Variants in EPHA6 observed in about 807,000 individuals in gnomAD.
EPHA6 encodes the protein ephrin type-A receptor 6.
Under a neutral mutation model 112.0 loss-of-function variants are expected in EPHA6, and 50 were observed. That is an observed-to-expected ratio of 0.45 (90% CI 0.36 to 0.56). The LOEUF is 0.56. EPHA6 is among the 20% of genes least tolerant of loss of function. The pLI is 0.00. For missense variants in EPHA6, 1,280 were observed against 1,417.4 expected (o/e 0.90, Z 1.56); for synonymous variants, 529 against 490.7 (o/e 1.08, Z -1.03).
At chr3:97,302,733 T>A (rs1054024358) in intron 5 of EPHA6, among the ~76,000 whole-genome samples, 1 of 151,956 alleles carries the variant, frequency 6.6e-6, no homozygotes, top group African/African-American at 2.4e-5. Context: ...CTTATTACCT[T>A]ATTTTCAGAT....
chr3:97,734,301 A>G (rs992742271), intron 15 of EPHA6, among the ~76,000 whole-genome samples: 1 of 151,986 alleles, frequency 6.6e-6, no homozygotes, highest in Non-Finnish European at 1.5e-5. Context: ...ATTCTATGCT[A>G]TTTCTCTTAG....
chr3:97,504,274 C>T (rs2092192104), intron 10 of EPHA6, among the ~76,000 whole-genome samples: 1 of 152,082 alleles, frequency 6.6e-6, no homozygotes, highest in Non-Finnish European at 1.5e-5. Flanking sequence ...AGCCTGGACA[C>T]AAAGGCTAAG....
intron 2 of EPHA6, among the ~76,000 whole-genome samples, chr3:96,880,301 T>A (rs1382196278): frequency 1.3e-5 from 2 of 151,748 alleles, no homozygotes; most frequent in Non-Finnish European, 2.9e-5. Context: ...ATAAAGTTAA[T>A]TAAAAAACCC....
chr3:97,711,446 C>T lies in EPHA6; in HGVS notation c.2785-8815C>T, dbSNP rs1312170954. 5.9e-5 allele frequency among the ~76,000 whole-genome samples: 9 copies of T among 151,708 alleles called. No individual in the cohort carries two copies. The South Asian group carries it at 6.3e-4, about 11-fold the overall frequency. On this transcript the variant is annotated intron_variant, in intron 14 of 17. Transcript: ENST00000389672. Reference sequence around the variant, plus strand: ...ATATATAATTATGGGAATTCATTCCCGTGATTATGGAGGCTGAAAAGTCCC... The same window carrying T: ...ATATATAATTATGGGAATTCATTCCTGTGATTATGGAGGCTGAAAAGTCCC...
chr3:97,705,747 AT>A (rs1372905391), intron 14 of EPHA6, among the ~76,000 whole-genome samples: 1 of 152,238 alleles, frequency 6.6e-6, no homozygotes, highest in South Asian at 2.1e-4. Context: ...GCTCTTAGAA[AT>A]CTGGATTGAC....
At position 96,988,432 on chromosome 3, in the gene EPHA6, A is replaced by G. The variant is rs148777841; in HGVS notation, c.1114+439A>G. ...AGCATCAACAACAGCAACAAAAAGCAATGAGATTCAAAATAGTGATTTCCC... is the reference window on the plus strand; with the variant it reads ...AGCATCAACAACAGCAACAAAAAGCGATGAGATTCAAAATAGTGATTTCCC... On this transcript the variant is annotated intron_variant, in intron 3 of 17. Coordinates refer to ENST00000389672, the MANE Select transcript of EPHA6 (RefSeq NM_001080448.3). Among the ~76,000 whole-genome samples the G allele has an allele frequency of 6.5e-3, 995 of 152,294 alleles. 8 individuals are homozygous for G. Among genetic ancestry groups the G allele is most frequent in the African/African-American group, 0.022 (901 of 41,582 alleles).
At chr3:97,146,675 T>G (rs1223326621) in intron 3 of EPHA6, among the ~76,000 whole-genome samples, 5 of 152,000 alleles carry the variant, frequency 3.3e-5, no homozygotes, top group African/African-American at 4.8e-5. Context: ...ATTTTTCATG[T>G]TCAATTTTAT....
intron 3 of EPHA6, among the ~76,000 whole-genome samples, chr3:97,198,001 C>T (rs2077483991): frequency 6.6e-6 from 1 of 152,092 alleles, no homozygotes; most frequent in South Asian, 2.1e-4. Context: ...CTCTCCCTTT[C>T]CCAAACACAC....
chr3:96,866,035 TA>T (rs900077532), intron 1 of EPHA6, among the ~76,000 whole-genome samples: 3 of 151,398 alleles, frequency 2.0e-5, no homozygotes, highest in Admixed American at 6.6e-5. Flanking sequence ...TATTCTAAAA[TA>T]AAAAAAAATC....
At chr3:97,167,935 T>C (rs2076581702) in intron 3 of EPHA6, among the ~76,000 whole-genome samples, 1 of 151,980 alleles carries the variant, frequency 6.6e-6, no homozygotes, top group Non-Finnish European at 1.5e-5. Flanking sequence ...ATTACACAAA[T>C]TAAGATTTTA....
At chr3:97,175,017 T>C (rs2076798526) in intron 3 of EPHA6, among the ~76,000 whole-genome samples, 1 of 152,026 alleles carries the variant, frequency 6.6e-6, no homozygotes, top group South Asian at 2.1e-4. Flanking sequence ...CTTGTAGTGG[T>C]TTCATAGTTT....
chr3:96,882,608 G>A (rs9818061), intron 2 of EPHA6, among the ~76,000 whole-genome samples: 227 of 152,138 alleles, frequency 1.5e-3, no homozygotes, highest in East Asian at 4.1e-3. Flanking sequence ...GAGAACATAC[G>A]ATGTTTGGTT....
At chr3:97,086,902 T>G (rs2046919150) in intron 3 of EPHA6, among the ~76,000 whole-genome samples, 1 of 152,176 alleles carries the variant, frequency 6.6e-6, no homozygotes, top group African/African-American at 2.4e-5. Context: ...ATTATTAAAA[T>G]TATTTTGAGT....
intron 10 of EPHA6, among the ~76,000 whole-genome samples, chr3:97,529,581 T>C (rs909564409): frequency 1.3e-4 from 1 of 7,834 alleles, no homozygotes; most frequent in African/African-American, 5.4e-4. Flanking sequence ...TTCTACAATG[T>C]CAATCACATA....
intron 6 of EPHA6, among the ~76,000 whole-genome samples, chr3:97,440,837 A>T (rs969160951): frequency 6.6e-6 from 1 of 151,812 alleles, no homozygotes; most frequent in Non-Finnish European, 1.5e-5. Flanking sequence ...TTACCTAAAA[A>T]TAATAGGAAA....
At chr3:97,360,132 G>A (rs915709153) in intron 5 of EPHA6, among the ~76,000 whole-genome samples, 3 of 152,114 alleles carry the variant, frequency 2.0e-5, no homozygotes, top group African/African-American at 7.2e-5. Flanking sequence ...GGCTACCCTG[G>A]CTCCCACAAG....
intron 14 of EPHA6, among the ~76,000 whole-genome samples, chr3:97,638,882 C>T (rs1247422623): frequency 6.6e-6 from 1 of 152,118 alleles, no homozygotes; most frequent in Non-Finnish European, 1.5e-5. Context: ...ATTAAAGCTA[C>T]TCAAAAGATT....
At chr3:97,323,985 A>T (rs1456806797) in intron 5 of EPHA6, among the ~76,000 whole-genome samples, 1 of 149,018 alleles carries the variant, frequency 6.7e-6, no homozygotes, top group Non-Finnish European at 1.5e-5. Flanking sequence ...TTTTCTCTTT[A>T]AAAAAAAAAT....
chr3:97,715,780 ACTT>A (rs537200035), intron 14 of EPHA6, among the ~76,000 whole-genome samples: 365 of 152,322 alleles, frequency 2.4e-3, no homozygotes, highest in Non-Finnish European at 3.8e-3. Context: ...AATATACAGT[ACTT>A]CTTGTTCCCT....
Sources: gnomAD v4.1 joint callset for allele counts (sites outside exome capture counted in the v4.1 genomes callset) on GRCh38, gnomAD v4.1.1 for gene constraint, MANE v1.5 for transcripts, NCBI Gene and HGNC (gene_info 2026-07-23, HGNC 2026-07-21) for gene names.